MEI1: variants seen among roughly 807,000 people sequenced by gnomAD.
MEI1 encodes the protein meiotic double-stranded break formation protein 1.
A neutral mutation model predicts 146.2 loss-of-function variants in MEI1; 103 were observed. The ratio of observed to expected loss-of-function variants is 0.70; its 90% CI spans 0.60 to 0.83. The LOEUF (loss-of-function observed/expected upper bound fraction) is 0.83. MEI1 is among the 40% of genes least tolerant of loss of function. The pLI, the probability that MEI1 is intolerant of heterozygous loss-of-function variation, is 0.00. For synonymous variants in MEI1, 652 were observed against 628.2 expected, an observed-to-expected ratio of 1.04 and a Z score of -0.57; for missense variants, 1,529 against 1,533.0, an observed-to-expected ratio of 1.00 and a Z score of 0.04.
chr22:41,738,143 C>T (rs1215529501), intron 11 of MEI1, among the ~76,000 whole-genome samples: 1 of 151,718 alleles, frequency 6.6e-6, no homozygotes, highest in Admixed American at 6.6e-5. Flanking sequence ...AGCGCCACCC[C>T]ATCCCTACAA....
intron 9 of MEI1, 26 bp downstream of exon 9, chr22:41,730,663 C>G (rs199767157): frequency 1.8e-5 from 28 of 1,543,254 alleles, no homozygotes; most frequent in Non-Finnish European, 2.3e-5. Context: ...CCTGTACTAG[C>G]TTTGGGTTGG....
chr22:41,777,216 C>T lies in MEI1; in HGVS notation c.2710+949C>T, dbSNP rs905281950. 6.0e-5 allele frequency among the ~76,000 whole-genome samples: 9 copies of T among 149,268 alleles called. No homozygotes were observed. In the South Asian group the frequency reaches 1.5e-3, roughly 25 times the overall value. On this transcript the variant is annotated intron_variant, in intron 21 of 30. Transcript: ENST00000401548. The stretch of plus-strand genomic sequence containing the variant: ...TGTCGTTCAGGCTGGTGTGCAGTGG[C>T]GTGATCTCGGCTCACTGCAACCTTC...
chr22:41,754,535 G>C (rs1352318958), intron 17 of MEI1, among the ~76,000 whole-genome samples: 1 of 152,110 alleles, frequency 6.6e-6, no homozygotes, highest in Non-Finnish European at 1.5e-5. Context: ...CCAGGTTCAA[G>C]TGAGTCTCCT....
intron 19 of MEI1, among the ~76,000 whole-genome samples, chr22:41,769,150 CT>C (rs1170163115): frequency 6.6e-6 from 1 of 151,708 alleles, no homozygotes; most frequent in Admixed American, 6.6e-5. Context: ...AGACTCATAC[CT>C]TTTTTATTTT....
chr22:41,769,333 A>G (rs2075036886), intron 19 of MEI1, among the ~76,000 whole-genome samples: 1 of 152,170 alleles, frequency 6.6e-6, no homozygotes, highest in Non-Finnish European at 1.5e-5. Context: ...CTTTTCAGAA[A>G]ATTTTCAGGA....
At chr22:41,760,596 G>A (rs1326588455) in intron 18 of MEI1, among the ~76,000 whole-genome samples, 1 of 152,174 alleles carries the variant, frequency 6.6e-6, no homozygotes, top group African/African-American at 2.4e-5. Flanking sequence ...ACACCGAATT[G>A]TAGAAGGAAG....
rs541376079 is a variant in MEI1, at chr22:41,797,040, C to G, written c.3779+1193C>G. On this transcript the variant is annotated intron_variant, in intron 30 of 30. Coordinates refer to ENST00000401548, the MANE Select transcript of MEI1 (RefSeq NM_152513.4). The stretch of plus-strand genomic sequence containing the variant: ...TAAGACAGTGTCTTGCTTTGTCACC[C>G]AGGCTGGAGTGCACTGGTGTGAACA... 2.6e-5 allele frequency among the ~76,000 whole-genome samples: 4 copies of G among 152,184 alleles called. No individual in the cohort carries two copies. In the South Asian group the frequency reaches 8.3e-4, roughly 32 times the overall value.
intron 3 of MEI1, among the ~76,000 whole-genome samples, chr22:41,711,409 G>C (rs1314025488): frequency 6.6e-6 from 1 of 152,186 alleles, no homozygotes; most frequent in African/African-American, 2.4e-5. Flanking sequence ...TTGACCTCAT[G>C]ATCCGTTCTG....
intron 30 of MEI1, among the ~76,000 whole-genome samples, chr22:41,796,419 C>T (rs1353719708): frequency 1.3e-5 from 2 of 150,926 alleles, no homozygotes; most frequent in Non-Finnish European, 2.9e-5. Flanking sequence ...TGGTCTCGAA[C>T]TCCTGACCTT....
intron 26 of MEI1, among the ~76,000 whole-genome samples, chr22:41,791,849 T>C (rs2076193858): frequency 6.6e-6 from 1 of 152,198 alleles, no homozygotes; most frequent in East Asian, 1.9e-4. Context: ...ACAACATGGA[T>C]GAACCTTGAG....
Position 41,743,105 on chromosome 22 carries a change from G to A in MEI1, c.1357G>A (p.Val453Met), listed in dbSNP as rs1410098112. ...LRKDHQSTPPVQYGELQALLE... is the reference protein window; with the variant it reads ...LRKDHQSTPPMQYGELQALLE... ...GAAGGACCATCAGAGCACTCCACCT[G>A]TGCAGTATGGGGAACTGCAGGCTTT... The change falls in exon 12 of 31, where the codon GTG becomes ATG. Residue 453 changes from valine (V) to methionine (M), a missense_variant. This residue lies in a region of MEI1 where 1,212 missense variants were observed against 1,178.9 expected (regional missense o/e 1.03). Transcript: ENST00000401548. 4 of 1,612,864 alleles carry A rather than the reference G, an allele frequency of 2.5e-6. No individual in the cohort carries two copies. In the Admixed American group the frequency reaches 6.7e-5, roughly 27 times the overall value.
At chr22:41,741,995 T>G (rs1041044073) in intron 11 of MEI1, among the ~76,000 whole-genome samples, 2 of 149,432 alleles carry the variant, frequency 1.3e-5, no homozygotes, top group Non-Finnish European at 3.0e-5. Flanking sequence ...GTGCAGTGGC[T>G]CATGCCTGTA....
intron 3 of MEI1, among the ~76,000 whole-genome samples, chr22:41,708,618 G>C (rs1246082932): frequency 2.0e-5 from 3 of 152,188 alleles, no homozygotes; most frequent in African/African-American, 7.2e-5. Flanking sequence ...AAAGTTTAGA[G>C]TGAGGGTTGA....
At chr22:41,709,934 G>T (rs1414617615) in intron 3 of MEI1, among the ~76,000 whole-genome samples, 1 of 152,072 alleles carries the variant, frequency 6.6e-6, no homozygotes, top group Non-Finnish European at 1.5e-5. Flanking sequence ...GCCCAAAGTT[G>T]CAGGATAGGA....
intron 15 of MEI1, among the ~76,000 whole-genome samples, chr22:41,750,180 A>G (rs1362029118): frequency 6.6e-6 from 1 of 152,168 alleles, no homozygotes; most frequent in Admixed American, 6.6e-5. Flanking sequence ...GAGATTCTTC[A>G]AAGTTGAGGG....
intron 20 of MEI1, among the ~76,000 whole-genome samples, chr22:41,773,834 C>T (rs2075311524): frequency 6.6e-6 from 1 of 152,166 alleles, no homozygotes; most frequent in African/African-American, 2.4e-5. Context: ...AAGATCGAGC[C>T]ACTGCACTCC....
Position 41,732,613 on chromosome 22 carries a change from C to T in MEI1, c.1331+10C>T. The T allele has an allele frequency of 6.2e-7, 1 of 1,610,710 alleles. No individual in the cohort carries two copies. The highest frequency in any genetic ancestry group is 8.5e-7 in the Non-Finnish European group (1 of 1,178,616). ...CTTCTGCTTTTCTGAGGTGAGAGAC[C>T]CAGGCAGGCTGAACTTTCCATCCCT... On this transcript the variant is annotated intron_variant, in intron 11 of 30. Coordinates refer to ENST00000401548, the MANE Select transcript of MEI1 (RefSeq NM_152513.4).
chr22:41,702,014 G>A lies in MEI1; in HGVS notation c.175-1317G>A, dbSNP rs2068749657. ...CTGTCAGATGAAGGAGAGTTACTAG[G>A]ATTTTTTGAGTAGCTCATATAGATC... On this transcript the variant is annotated intron_variant, in intron 1 of 30. Transcript: ENST00000401548. 3.3e-5 allele frequency among the ~76,000 whole-genome samples: 5 copies of A among 152,278 alleles called. No homozygotes were observed. The South Asian group carries it at 1.0e-3, about 32-fold the overall frequency.
At chr22:41,760,394 AGCTACTGGGGAG>A (rs1157525564) in intron 18 of MEI1, among the ~76,000 whole-genome samples, 1 of 152,182 alleles carries the variant, frequency 6.6e-6, no homozygotes, top group African/African-American at 2.4e-5. Flanking sequence ...CTGTAGTCCC[AGCTACTGGGGAG>A]GCTTAGACAG....
Sources: allele counts gnomAD v4.1 joint callset (sites outside exome capture counted in the v4.1 genomes callset), GRCh38; gene constraint gnomAD v4.1.1; regional missense constraint gnomAD v4.1.1; transcripts MANE v1.5; gene names NCBI Gene and HGNC (gene_info 2026-07-23, HGNC 2026-07-21).